ETV3: variants seen among roughly 807,000 people sequenced by gnomAD.
The protein encoded by ETV3 is ETS translocation variant 3.
A neutral mutation model predicts 33.0 loss-of-function variants in ETV3; 8 were observed. The ratio of observed to expected loss-of-function variants is 0.24; its 90% CI spans 0.14 to 0.44. The LOEUF (loss-of-function observed/expected upper bound fraction) is 0.44, where lower values mean the gene tolerates loss of function less well. Ranked by LOEUF, ETV3 falls within the 20% of genes least tolerant of loss-of-function variation. The pLI, the probability that ETV3 is intolerant of heterozygous loss-of-function variation, is 1.00. For missense variants in ETV3, 473 were observed against 652.3 expected (o/e 0.73, Z 2.99); for synonymous variants, 222 against 238.9 (o/e 0.93, Z 0.65).
intron 4 of ETV3, 107 bp from the exon 5 acceptor site, chr1:157,126,086 T>G: frequency 3.0e-6 from 3 of 1,013,370 alleles, no homozygotes; most frequent in Non-Finnish European, 4.2e-6. Context: ...GAAACAATCA[T>G]TCCAACTGGA....
chr1:157,128,515 C>T (rs1644221666), intron 4 of ETV3: 1 of 265,476 alleles, frequency 3.8e-6, no homozygotes, highest in Admixed American at 3.7e-5. Flanking sequence ...TACACAGATG[C>T]CAATAAGAAC....
chr1:157,135,718 G>C lies in ETV3; in HGVS notation c.47-10C>G. ...TCAGGAAACTGATACCCTTTCATGT[G>C]AGAAGGTCAAGATTAAGCTAGTTAA... On this transcript the variant is annotated splice_polypyrimidine_tract_variant and intron_variant, in intron 2 of 4. Coordinates refer to ENST00000368192, the MANE Select transcript of ETV3 (RefSeq NM_001145312.3). 1 of 1,613,800 alleles carries C rather than the reference G, an allele frequency of 6.2e-7. No individual in the cohort carries two copies. The highest frequency in any genetic ancestry group is 8.5e-7 in the Non-Finnish European group (1 of 1,179,720).
intron 2 of ETV3, 111 bp from the exon 3 acceptor site, chr1:157,135,819 C>T: frequency 9.2e-7 from 1 of 1,081,504 alleles, no homozygotes; most frequent in Admixed American, 2.0e-5. Context: ...TGCAAACATG[C>T]TGTAAGTACT....
In ETV3 at chr1:157,135,717, T is replaced by C. The variant is rs1372090911; in HGVS notation, c.47-9A>G. On this transcript the variant is annotated splice_polypyrimidine_tract_variant and intron_variant, in intron 2 of 4. Coordinates refer to ENST00000368192, the MANE Select transcript of ETV3 (RefSeq NM_001145312.3). ...GTCAGGAAACTGATACCCTTTCATG[T>C]GAGAAGGTCAAGATTAAGCTAGTTA... 6.2e-7 allele frequency: 1 copy of C among 1,613,732 alleles called. No individual in the cohort carries two copies. The highest frequency in any genetic ancestry group is 1.3e-5 in the African/African-American group (1 of 74,916).
chr1:157,124,053 A>C lies in ETV3; in HGVS notation c.*788T>G, dbSNP rs1424170224. On this transcript the variant is annotated 3_prime_UTR_variant, in exon 5 of 5. Transcript: ENST00000368192. ...AGTTTACAACTCCTCATGGCTTCTT[A>C]ATAGGTGAAGTAGGTGAAAAGTCTG... 1 of 152,082 alleles carries C rather than the reference A, an allele frequency of 6.6e-6. No homozygotes were observed. The highest frequency in any genetic ancestry group is 1.5e-5 in the Non-Finnish European group (1 of 68,012). The allele number at this position is 152,082 out of a possible 1,614,324, so 9.4% of individuals were successfully genotyped here. A position where few individuals can be genotyped will look rare whatever the true frequency, so the allele number is the denominator to read the frequency against.
chr1:157,136,807 T>C (rs567491412), intron 1 of ETV3, among the ~76,000 whole-genome samples: 5 of 152,288 alleles, frequency 3.3e-5, no homozygotes, highest in Non-Finnish European at 7.4e-5. Flanking sequence ...GTTTAAAGGA[T>C]GAAAAAATCC....
Position 157,132,282 on chromosome 1 carries a change from G to A in ETV3, c.400+1830C>T, listed in dbSNP as rs1173567371. Among the ~76,000 whole-genome samples the A allele has an allele frequency of 2.0e-5, 3 of 152,348 alleles. No homozygotes were observed. In the East Asian group the frequency reaches 5.8e-4, roughly 29 times the overall value. On this transcript the variant is annotated intron_variant, in intron 4 of 4. Coordinates refer to ENST00000368192, the MANE Select transcript of ETV3 (RefSeq NM_001145312.3). ...TTTTTGATTAGGATCTTGAGCTTGG[G>A]TTAAAGATCAATGTTGGTTCAATCG...
At chr1:157,130,202 C>T (rs571722660) in intron 4 of ETV3, among the ~76,000 whole-genome samples, 10 of 152,136 alleles carry the variant, frequency 6.6e-5, no homozygotes, top group South Asian at 2.1e-4. Context: ...TCTTTACATA[C>T]GTTAAGGTAT....
chr1:157,132,115 A>T (rs1674980864), intron 4 of ETV3, among the ~76,000 whole-genome samples: 1 of 152,178 alleles, frequency 6.6e-6, no homozygotes, highest in South Asian at 2.1e-4. Flanking sequence ...GGTGACTGCC[A>T]CCTGTACTTT....
At position 157,121,293 on chromosome 1, in the gene ETV3, T is replaced by C. The variant is rs1674707149; in HGVS notation, c.*3548A>G. ...CTATCAGATACCCCTGGAAAAAATA[T>C]GTATATTATACATATATTTCTATAA... is the stretch of plus-strand genomic sequence containing the variant. On this transcript the variant is annotated 3_prime_UTR_variant, in exon 5 of 5. Transcript: ENST00000368192. The C allele has an allele frequency of 6.6e-6, 1 of 151,892 alleles. No homozygotes were observed. Among genetic ancestry groups the C allele is most frequent in the Non-Finnish European group, 1.5e-5 (1 of 67,990 alleles). The allele number at this position is 151,892 out of a possible 1,614,324, so 9.4% of individuals were successfully genotyped here.
At position 157,135,703 on chromosome 1, in the gene ETV3, G is replaced by C. The variant is rs1675091508; in HGVS notation, c.52C>G (p.Gln18Glu). ...VEKPEGGGGY[Q>E]FPDWAYKTES... Reference sequence around the variant, plus strand: ...GTTTTGTAGGCCCAGTCAGGAAACTGATACCCTTTCATGTGAGAAGGTCAA... The same window carrying C: ...GTTTTGTAGGCCCAGTCAGGAAACTCATACCCTTTCATGTGAGAAGGTCAA... The change falls in exon 3 of 5, where the codon CAG (glutamine) becomes GAG (glutamate). Residue 18 changes from glutamine to glutamate, a missense_variant. Coordinates refer to ENST00000368192, the MANE Select transcript of ETV3 (RefSeq NM_001145312.3). 1 of 1,614,164 alleles carries C rather than the reference G, an allele frequency of 6.2e-7. No homozygotes were observed. The highest frequency in any genetic ancestry group is 8.5e-7 in the Non-Finnish European group (1 of 1,180,020).
In ETV3 at chr1:157,125,881, C is replaced by T; in HGVS notation, c.499G>A (p.Gly167Arg). Residue 167 changes from glycine to arginine, a missense_variant, in exon 5 of 5, where the codon GGA becomes AGA. Physicochemically the swap from Gly to Arg is moderately radical, Grantham distance 125. Transcript: ENST00000368192. This position sits in a 1 kb window ranked among gnomAD's most constrained non-coding sequence, Gnocchi z 4.0. The part of the protein sequence containing the change: ...THSPTNDVQP[G>R]RFSASSLTAS... ...GTTAGGGAGCTAGCAGAGAACCGTC[C>T]CGGCTGCACATCATTGGTTGGAGAA... 1.3e-6 allele frequency: 2 copies of T among 1,551,720 alleles called. No homozygotes were observed. The highest frequency in any genetic ancestry group is 1.7e-6 in the Non-Finnish European group (2 of 1,147,012).
chr1:157,131,646 G>C (rs1332718295), intron 4 of ETV3, among the ~76,000 whole-genome samples: 1 of 152,152 alleles, frequency 6.6e-6, no homozygotes, highest in Admixed American at 6.5e-5. Context: ...AACCTACCCT[G>C]ATCAGTCTTT....
chr1:157,132,306 C>T (rs1253552016), intron 4 of ETV3, among the ~76,000 whole-genome samples: 2 of 152,174 alleles, frequency 1.3e-5, no homozygotes, highest in Admixed American at 6.5e-5. Context: ...TTGGTTCAAT[C>T]GCCTTCGGGC....
intron 3 of ETV3, 108 bp downstream of exon 3, chr1:157,135,363 A>T (rs756842657): frequency 5.4e-5 from 70 of 1,307,660 alleles, no homozygotes; most frequent in Non-Finnish European, 7.5e-5. Flanking sequence ...ATTATTCACT[A>T]AGATAGTGTA....
In ETV3 at chr1:157,125,139, G is replaced by T; in HGVS notation, c.1241C>A (p.Thr414Asn). ...GATGGTGCCTTTTTCCTCTTCAATG[G>T]TCCTGCTTGGCACAGTGCCCTCTTC... The part of the protein sequence containing the change: ...TQEEGTVPSR[T>N]IEEEKGTIFA... Residue 414 changes from threonine to asparagine, a missense_variant, in exon 5 of 5, where the codon ACC becomes AAC. This residue lies in a region of ETV3 where 410 missense variants were observed against 520.2 expected (regional missense o/e 0.79). Transcript: ENST00000368192. The surrounding 1 kb of genome is among the most constrained non-coding windows in gnomAD (Gnocchi z 4.0). 1 of 1,550,802 alleles carries T rather than the reference G, an allele frequency of 6.4e-7. No individual in the cohort carries two copies. Among genetic ancestry groups the T allele is most frequent in the African/African-American group, 1.4e-5 (1 of 73,068 alleles).
At chr1:157,136,968 T>C (rs1486381653) in intron 1 of ETV3, among the ~76,000 whole-genome samples, 2 of 152,204 alleles carry the variant, frequency 1.3e-5, no homozygotes, top group African/African-American at 4.8e-5. Flanking sequence ...ACACACCATA[T>C]GTACATTTAC....
intron 4 of ETV3, among the ~76,000 whole-genome samples, chr1:157,128,829 T>G (rs889562202): frequency 6.6e-6 from 1 of 152,228 alleles, no homozygotes; most frequent in Non-Finnish European, 1.5e-5. Flanking sequence ...GACTTGAGAT[T>G]AGATGAATAT....
chr1:157,126,102 TCCCACA>T, intron 4 of ETV3, 123 bp from the exon 5 acceptor site: 2 of 892,812 alleles, frequency 2.2e-6, no homozygotes, highest in Non-Finnish European at 3.3e-6. Flanking sequence ...CTGGACTGAA[TCCCACA>T]GTTCTCCAAC....
Sources: gnomAD v4.1 joint callset for allele counts (sites outside exome capture counted in the v4.1 genomes callset) on GRCh38, gnomAD v4.1.1 for gene constraint, gnomAD v4.1.1 regional missense constraint, Gnocchi (gnomAD v3.1) non-coding constraint, MANE v1.5 for transcripts, NCBI Gene and HGNC (gene_info 2026-07-23, HGNC 2026-07-21) for gene names.